UIMC1: variants seen among roughly 807,000 people sequenced by gnomAD.
UIMC1 encodes the protein BRCA1-A complex subunit RAP80.
In UIMC1, 42 loss-of-function variants were observed where a neutral mutation model predicts 84.9. The ratio of observed to expected loss-of-function variants is 0.49; its 90% CI spans 0.39 to 0.64. The LOEUF (loss-of-function observed/expected upper bound fraction) is 0.64, where lower values mean the gene tolerates loss of function less well. UIMC1 is among the 30% of genes least tolerant of loss of function. UIMC1 has a pLI of 0.00. For synonymous variants in UIMC1, 281 were observed against 293.0 expected (o/e 0.96, Z 0.42); for missense variants, 825 against 847.6 (o/e 0.97, Z 0.33).
intron 1 of UIMC1, among the ~76,000 whole-genome samples, chr5:177,003,352 G>A (rs968644493): frequency 6.6e-6 from 1 of 152,132 alleles, no homozygotes; most frequent in African/African-American, 2.4e-5. Context: ...AAGTTGTATG[G>A]AGGATATAAA....
At chr5:176,977,615 C>G (rs1398991563) in intron 2 of UIMC1, among the ~76,000 whole-genome samples, 1 of 117,044 alleles carries the variant, frequency 8.5e-6, no homozygotes, top group Non-Finnish European at 1.8e-5. Flanking sequence ...AAAAAAAAAA[C>G]AGAAACAAAA....
intron 1 of UIMC1, among the ~76,000 whole-genome samples, chr5:176,987,128 G>A (rs758079583): frequency 2.0e-5 from 3 of 152,070 alleles, no homozygotes; most frequent in Non-Finnish European, 4.4e-5. Flanking sequence ...GCTGAGGCAG[G>A]AGAATCACTT....
Position 176,905,021 on chromosome 5 carries a change from A to G in UIMC1, c.*261T>C, listed in dbSNP as rs1232373740. 1.2e-5 allele frequency: 4 copies of G among 325,154 alleles called. No homozygotes were observed. Among genetic ancestry groups the G allele is most frequent in the Admixed American group, 4.5e-5 (1 of 22,194 alleles). 20.1% of individuals were successfully genotyped at this position (325,154 alleles called of 1,614,324 possible). On this transcript the variant is annotated 3_prime_UTR_variant, in exon 15 of 15. Coordinates refer to ENST00000511320, the MANE Select transcript of UIMC1 (RefSeq NM_001199298.2). ...GAAAAAAAAATTAAAATTTCCATCT[A>G]TTGAAATAAGATTTCGTACAAACAT...
intron 10 of UIMC1, among the ~76,000 whole-genome samples, chr5:176,943,102 G>T (rs904286679): frequency 2.6e-5 from 4 of 151,994 alleles, no homozygotes; most frequent in Non-Finnish European, 5.9e-5. Flanking sequence ...ATTAAAAAAT[G>T]AAAGACTTTT....
intron 9 of UIMC1, among the ~76,000 whole-genome samples, chr5:176,947,597 T>A (rs1031333084): frequency 9.2e-5 from 14 of 152,052 alleles, no homozygotes; most frequent in African/African-American, 3.4e-4. Flanking sequence ...GGCGGGTGGA[T>A]CATGAGGTCA....
intron 2 of UIMC1, among the ~76,000 whole-genome samples, chr5:176,978,617 C>A (rs1028017453): frequency 6.6e-6 from 1 of 151,804 alleles, no homozygotes; most frequent in Non-Finnish European, 1.5e-5. Flanking sequence ...ATGCAAAACT[C>A]CTAAATAATA....
chr5:177,014,202 A>G (rs1381985605), intron 1 of UIMC1, among the ~76,000 whole-genome samples: 2 of 151,542 alleles, frequency 1.3e-5, no homozygotes, highest in African/African-American at 2.4e-5. Flanking sequence ...ACAGGCGTGC[A>G]ACACCATGCC....
At chr5:176,906,505 C>G (rs1211317498) in intron 13 of UIMC1, among the ~76,000 whole-genome samples, 7 of 152,238 alleles carry the variant, frequency 4.6e-5, no homozygotes, top group Admixed American at 4.6e-4. Context: ...CCATCCACAT[C>G]TGGTGAATTT....
intron 6 of UIMC1, among the ~76,000 whole-genome samples, chr5:176,968,236 G>C (rs780795679): frequency 6.6e-6 from 1 of 152,098 alleles, no homozygotes; most frequent in East Asian, 1.9e-4. Context: ...GCAGGGCATA[G>C]TGGCAAGCAC....
chr5:176,954,249 C>T (rs1474723690), intron 8 of UIMC1, among the ~76,000 whole-genome samples: 1 of 152,166 alleles, frequency 6.6e-6, no homozygotes, highest in Non-Finnish European at 1.5e-5. Flanking sequence ...TCATCCTAAA[C>T]AGACTGAGTG....
At chr5:176,942,815 G>A (rs145492484) in intron 10 of UIMC1, among the ~76,000 whole-genome samples, 2,160 of 151,936 alleles carry the variant, frequency 0.014, 18 homozygotes, top group Non-Finnish European at 0.022. Flanking sequence ...AGCACTTTGG[G>A]AGGCCAAGGC....
At chr5:176,939,894 A>C (rs1229779052) in intron 10 of UIMC1, among the ~76,000 whole-genome samples, 1 of 152,218 alleles carries the variant, frequency 6.6e-6, no homozygotes, top group Non-Finnish European at 1.5e-5. Context: ...TGCCGAGAAT[A>C]CAGGGACTTT....
chr5:176,927,191 C>T (rs906201069), intron 10 of UIMC1, among the ~76,000 whole-genome samples: 2 of 136,190 alleles, frequency 1.5e-5, no homozygotes, highest in African/African-American at 5.6e-5. Context: ...AATAAGACAC[C>T]ATTTCTTTAA....
chr5:176,987,453 C>T (rs958332893), intron 1 of UIMC1, among the ~76,000 whole-genome samples: 2 of 151,910 alleles, frequency 1.3e-5, no homozygotes, highest in African/African-American at 4.8e-5. Context: ...TGAGACCAGC[C>T]TGGCCAACAT....
At chr5:176,974,037 C>A (rs1390321933) in intron 3 of UIMC1, among the ~76,000 whole-genome samples, 1 of 151,930 alleles carries the variant, frequency 6.6e-6, no homozygotes, top group Non-Finnish European at 1.5e-5. Context: ...CCAGCCTGGG[C>A]GACAGAGTAG....
rs146651852 is a variant in UIMC1 at position 176,968,731 on chromosome 5, C to T, written c.1024G>A (p.Ala342Thr). The T allele has an allele frequency of 1.3e-4, 204 of 1,614,190 alleles. No individual in the cohort carries two copies. The highest frequency in any genetic ancestry group is 9.9e-4 in the Middle Eastern group (6 of 6,062). ...IQNECGQGEQ[A>T]SEKNECISED... ...GAGATGCATTCATTTTTCTCACTAG[C>T]CTGCTCTCCTTGGCCACATTCATTC... is the stretch of plus-strand genomic sequence containing the variant. Residue 342 changes from alanine (A) to threonine (T), a missense_variant, in exon 6 of 15, where the codon GCT becomes ACT. Ala to Thr is a moderately conservative substitution (Grantham distance 58). Transcript: ENST00000511320.
chr5:177,013,501 G>A (rs768438477), intron 1 of UIMC1, among the ~76,000 whole-genome samples: 3 of 151,988 alleles, frequency 2.0e-5, no homozygotes, highest in Non-Finnish European at 4.4e-5. Context: ...TTCACTTGGC[G>A]AATTAATCAG....
intron 10 of UIMC1, among the ~76,000 whole-genome samples, chr5:176,942,067 A>T (rs62398664): frequency 6.6e-6 from 1 of 151,810 alleles, no homozygotes; most frequent in South Asian, 2.1e-4. Context: ...CTGGTCTCGA[A>T]CTCCTGACCT....
intron 9 of UIMC1, among the ~76,000 whole-genome samples, chr5:176,947,755 T>C (rs886172151): frequency 5.3e-5 from 8 of 151,550 alleles, no homozygotes; most frequent in African/African-American, 1.7e-4. Flanking sequence ...GAGGTGGAGC[T>C]TGCAGAGCCG....
Sources: gnomAD v4.1 joint callset for allele counts (sites outside exome capture counted in the v4.1 genomes callset) on GRCh38, gnomAD v4.1.1 for gene constraint, MANE v1.5 for transcripts, NCBI Gene and HGNC (gene_info 2026-07-23, HGNC 2026-07-21) for gene names.